SPINK13: variants seen among roughly 807,000 people sequenced by gnomAD.
SPINK13 encodes the protein serine protease inhibitor Kazal-type 13.
Under a neutral mutation model 11.0 loss-of-function variants are expected in SPINK13, and 11 were observed. The ratio of observed to expected loss-of-function variants is 1.00; its 90% CI spans 0.63 to 1.65. SPINK13 has a LOEUF of 1.65. Among genes scored for constraint, SPINK13 ranks in the 40% most tolerant of loss-of-function variants. The pLI, the probability that SPINK13 is intolerant of heterozygous loss-of-function variation, is 0.00. For missense variants in SPINK13, 113 were observed against 117.7 expected, an observed-to-expected ratio of 0.96 and a Z score of 0.19; for synonymous variants, 31 against 35.6, an observed-to-expected ratio of 0.87 and a Z score of 0.46.
chr5:148,284,913 A>G (rs1375432558), intron 4 of SPINK13, among the ~76,000 whole-genome samples: 1 of 152,214 alleles, frequency 6.6e-6, no homozygotes, highest in Admixed American at 6.5e-5. Context: ...ATTACATGAA[A>G]CAGTCCATAC....
At chr5:148,273,540 T>C (rs1756380611) in intron 2 of SPINK13, among the ~76,000 whole-genome samples, 2 of 152,194 alleles carry the variant, frequency 1.3e-5, no homozygotes, top group African/African-American at 4.8e-5. Flanking sequence ...GTCATAAAAA[T>C]ATTCTGACCT....
chr5:148,278,862 G>A (rs540287368), intron 3 of SPINK13, among the ~76,000 whole-genome samples: 5 of 152,204 alleles, frequency 3.3e-5, no homozygotes, highest in African/African-American at 1.2e-4. Flanking sequence ...TGACAGTGGG[G>A]TGTTAAAGTC....
chr5:148,280,759 G>T (rs1005858750), intron 3 of SPINK13, among the ~76,000 whole-genome samples: 7 of 152,204 alleles, frequency 4.6e-5, no homozygotes, highest in African/African-American at 1.7e-4. Flanking sequence ...AGGCACGGGG[G>T]TCAGGGACCC....
At chr5:148,273,655 G>A (rs904828618) in intron 2 of SPINK13, among the ~76,000 whole-genome samples, 1 of 152,164 alleles carries the variant, frequency 6.6e-6, no homozygotes, top group Admixed American at 6.5e-5. Flanking sequence ...TTCTTTGTGG[G>A]AAGATTTCTA....
chr5:148,278,129 T>A (rs1454041937), intron 3 of SPINK13, among the ~76,000 whole-genome samples: 1 of 152,210 alleles, frequency 6.6e-6, no homozygotes, highest in Non-Finnish European at 1.5e-5. Context: ...ATCCCCTTTA[T>A]CATTTTTTAT....
intron 3 of SPINK13, among the ~76,000 whole-genome samples, chr5:148,277,619 A>G (rs1393416294): frequency 6.6e-6 from 1 of 152,238 alleles, no homozygotes; most frequent in Admixed American, 6.5e-5. Context: ...CATCGCAAGG[A>G]TGAAGCCGAC....
chr5:148,270,233 T>C (rs1756330657), intron 2 of SPINK13, 91 bp downstream of exon 2: 2 of 1,395,406 alleles, frequency 1.4e-6, no homozygotes, highest in African/African-American at 1.4e-5. Flanking sequence ...TTATGGGAAA[T>C]ATTTTGCTGA....
intron 3 of SPINK13, among the ~76,000 whole-genome samples, chr5:148,280,531 A>G (rs959533201): frequency 6.6e-6 from 1 of 152,164 alleles, no homozygotes; most frequent in Non-Finnish European, 1.5e-5. Flanking sequence ...TTGCCTTCTA[A>G]CAGTCAGGCC....
At chr5:148,282,346 C>T in intron 4 of SPINK13, 115 bp downstream of exon 4, 2 of 1,297,120 alleles carry the variant, frequency 1.5e-6, no homozygotes, top group South Asian at 2.9e-5. Context: ...AAAAAAATAG[C>T]CTCATTATTT....
At chr5:148,278,663 A>G (rs1319007742) in intron 3 of SPINK13, among the ~76,000 whole-genome samples, 1 of 152,086 alleles carries the variant, frequency 6.6e-6, no homozygotes, top group Non-Finnish European at 1.5e-5. Flanking sequence ...GTTCTTTTGC[A>G]TTTGCTGAGG....
intron 2 of SPINK13, among the ~76,000 whole-genome samples, chr5:148,272,272 G>A (rs1046761138): frequency 1.3e-5 from 2 of 152,146 alleles, no homozygotes; most frequent in African/African-American, 4.8e-5. Flanking sequence ...ATGCTACAAT[G>A]TGTGTGAATT....
intron 2 of SPINK13, among the ~76,000 whole-genome samples, chr5:148,273,685 C>G (rs73795071): frequency 0.012 from 1,785 of 152,210 alleles, 42 homozygotes; most frequent in African/African-American, 0.039. Flanking sequence ...CAGAATTTTT[C>G]TTTTACCTTC....
At chr5:148,278,029 C>T (rs1280822589) in intron 3 of SPINK13, among the ~76,000 whole-genome samples, 1 of 152,148 alleles carries the variant, frequency 6.6e-6, no homozygotes, top group Non-Finnish European at 1.5e-5. Context: ...GGAATTTATC[C>T]ATTTCTTCTA....
At chr5:148,271,226 T>C (rs969532363) in intron 2 of SPINK13, among the ~76,000 whole-genome samples, 14 of 152,228 alleles carry the variant, frequency 9.2e-5, no homozygotes, top group Non-Finnish European at 2.1e-4. Context: ...CTGCTATGTG[T>C]AGGTTCTCTG....
intron 2 of SPINK13, among the ~76,000 whole-genome samples, chr5:148,273,064 G>A (rs1369375035): frequency 6.6e-6 from 1 of 152,152 alleles, no homozygotes; most frequent in Admixed American, 6.5e-5. Context: ...TTCTTAGCAT[G>A]AGTAAGGCTG....
At chr5:148,279,563 T>C (rs892106842) in intron 3 of SPINK13, among the ~76,000 whole-genome samples, 7 of 152,196 alleles carry the variant, frequency 4.6e-5, no homozygotes, top group African/African-American at 1.7e-4. Flanking sequence ...GGATATGAAA[T>C]TCTGGGTTGA....
At chr5:148,275,428 G>A (rs766189400) in intron 3 of SPINK13, among the ~76,000 whole-genome samples, 3 of 152,120 alleles carry the variant, frequency 2.0e-5, no homozygotes, top group African/African-American at 2.4e-5. Flanking sequence ...ATTGTGAATA[G>A]TGCTACAATA....
chr5:148,280,855 C>A (rs60697678), intron 3 of SPINK13, among the ~76,000 whole-genome samples: 2 of 152,128 alleles, frequency 1.3e-5, no homozygotes, highest in Non-Finnish European at 2.9e-5. Flanking sequence ...CAGGCAGGAA[C>A]GTTTAAGTCT....
intron 3 of SPINK13, among the ~76,000 whole-genome samples, chr5:148,280,445 T>C (rs1429371816): frequency 6.6e-6 from 1 of 152,200 alleles, no homozygotes; most frequent in Non-Finnish European, 1.5e-5. Flanking sequence ...GTCTTTGATG[T>C]TGGAGACCTT....
Sources: allele counts gnomAD v4.1 joint callset (sites outside exome capture counted in the v4.1 genomes callset), GRCh38; gene constraint gnomAD v4.1.1; transcripts MANE v1.5; gene names NCBI Gene and HGNC (gene_info 2026-07-23, HGNC 2026-07-21).